The following KCNH7 variants were observed in gnomAD, a reference collection of about 807,000 sequenced individuals.
KCNH7 encodes voltage-gated inwardly rectifying potassium channel KCNH7.
Under a neutral mutation model 120.8 loss-of-function variants are expected in KCNH7, and 49 were observed. That is an observed-to-expected ratio of 0.41 (90% CI 0.32 to 0.51). The LOEUF (loss-of-function observed/expected upper bound fraction) is 0.51, where lower values mean the gene tolerates loss of function less well. Ranked by LOEUF, KCNH7 falls within the 20% of genes least tolerant of loss-of-function variation. The pLI, the probability that KCNH7 is intolerant of heterozygous loss-of-function variation, is 0.38. For synonymous variants in KCNH7, 547 were observed against 516.1 expected (o/e 1.06, Z -0.81); for missense variants, 1,097 against 1,446.6 (o/e 0.76, Z 3.92).
intron 6 of KCNH7, among the ~76,000 whole-genome samples, chr2:162,489,737 C>A (rs879724961): frequency 1.3e-5 from 2 of 152,020 alleles, no homozygotes; most frequent in African/African-American, 4.8e-5. Context: ...TTTCAATTTG[C>A]GTATTTAAAT....
intron 5 of KCNH7, among the ~76,000 whole-genome samples, chr2:162,507,101 T>C (rs1690906780): frequency 6.6e-6 from 1 of 151,778 alleles, no homozygotes; most frequent in Non-Finnish European, 1.5e-5. Flanking sequence ...AGAATATATA[T>C]TGTTTTATTC....
intron 2 of KCNH7, among the ~76,000 whole-genome samples, chr2:162,590,479 C>T (rs546996504): frequency 1.3e-5 from 2 of 152,080 alleles, no homozygotes; most frequent in Non-Finnish European, 2.9e-5. Context: ...TGGATCATAC[C>T]TAACTTGACC....
chr2:162,794,780 T>C (rs1684078983), intron 2 of KCNH7, among the ~76,000 whole-genome samples: 2 of 151,974 alleles, frequency 1.3e-5, no homozygotes, highest in South Asian at 4.1e-4. Context: ...CGACAATGCC[T>C]TCCAAAAAAG....
At chr2:162,416,488 A>G (rs1687545444) in intron 9 of KCNH7, among the ~76,000 whole-genome samples, 1 of 152,156 alleles carries the variant, frequency 6.6e-6, no homozygotes, top group Non-Finnish European at 1.5e-5. Context: ...ACACCTTGCA[A>G]TTCACCACAC....
chr2:162,812,684 A>T (rs768184495), intron 2 of KCNH7, among the ~76,000 whole-genome samples: 2 of 152,138 alleles, frequency 1.3e-5, no homozygotes, highest in Non-Finnish European at 2.9e-5. Context: ...CTTCACTATG[A>T]GTGAAGAAAC....
At chr2:162,488,918 C>T (rs73020656) in intron 6 of KCNH7, among the ~76,000 whole-genome samples, 71 of 152,252 alleles carry the variant, frequency 4.7e-4, no homozygotes, top group African/African-American at 1.5e-3. Flanking sequence ...CTTCAAGCTA[C>T]GGTGCTTAGT....
chr2:162,520,992 G>A (rs1227738603), intron 3 of KCNH7, among the ~76,000 whole-genome samples: 1 of 151,730 alleles, frequency 6.6e-6, no homozygotes, highest in Non-Finnish European at 1.5e-5. Flanking sequence ...CTTTCTGTTT[G>A]ATCCTTTTTA....
At chr2:162,684,960 A>G (rs574151095) in intron 2 of KCNH7, among the ~76,000 whole-genome samples, 56 of 152,308 alleles carry the variant, frequency 3.7e-4, no homozygotes, top group Admixed American at 3.4e-3. Context: ...AACGCCCATC[A>G]GTGATAGACT....
intron 6 of KCNH7, among the ~76,000 whole-genome samples, chr2:162,456,779 A>G (rs1165901521): frequency 6.6e-6 from 1 of 151,698 alleles, no homozygotes. Flanking sequence ...GTCTTTTCTG[A>G]TCTTTGTTGG....
At chr2:162,497,289 T>C (rs1363034893) in intron 6 of KCNH7, among the ~76,000 whole-genome samples, 1 of 152,166 alleles carries the variant, frequency 6.6e-6, no homozygotes. Context: ...TTTCAGTTCT[T>C]CTTTAAGTCA....
At chr2:162,452,235 A>G (rs1390366480) in intron 6 of KCNH7, among the ~76,000 whole-genome samples, 1 of 152,046 alleles carries the variant, frequency 6.6e-6, no homozygotes, top group African/African-American at 2.4e-5. Flanking sequence ...GATAGTTACT[A>G]TTTATTTATA....
intron 1 of KCNH7, 44 bp downstream of exon 1, chr2:162,838,399 C>T (rs747498157): frequency 1.3e-5 from 20 of 1,533,778 alleles, no homozygotes; most frequent in Admixed American, 1.7e-5. Context: ...AGTGCACTAA[C>T]AAGGCAGAAA....
In KCNH7 at chr2:162,512,652, A is replaced by G. The variant is rs773754679; in HGVS notation, c.913+2T>C. 6.2e-7 allele frequency: 1 copy of G among 1,609,082 alleles called. No homozygotes were observed. The highest frequency in any genetic ancestry group is 8.5e-7 in the Non-Finnish European group (1 of 1,176,924). On this transcript the variant is annotated splice_donor_variant, in intron 5 of 15. Coordinates refer to ENST00000332142, the MANE Select transcript of KCNH7 (RefSeq NM_033272.4). LOFTEE classifies it high-confidence loss of function. ...ATGGTGAAATTTGAGTTTGTACATT[A>G]CCTTTGACATTGCGACCATTGTCTG...
chr2:162,434,440 T>C (rs987599072), intron 8 of KCNH7, among the ~76,000 whole-genome samples: 1 of 152,140 alleles, frequency 6.6e-6, no homozygotes, highest in Non-Finnish European at 1.5e-5. Flanking sequence ...AAATCCATCA[T>C]GCTTTTATGC....
chr2:162,448,347 C>T (rs1688655160), intron 6 of KCNH7, among the ~76,000 whole-genome samples: 1 of 152,062 alleles, frequency 6.6e-6, no homozygotes, highest in African/African-American at 2.4e-5. Context: ...GCAAAATACA[C>T]AGCTTTATTT....
intron 2 of KCNH7, among the ~76,000 whole-genome samples, chr2:162,719,640 TA>T (rs1474303046): frequency 6.6e-6 from 1 of 152,068 alleles, no homozygotes; most frequent in Non-Finnish European, 1.5e-5. Context: ...GTGAAAACCC[TA>T]ATTTTTGCAA....
intron 2 of KCNH7, among the ~76,000 whole-genome samples, chr2:162,633,748 C>A (rs958901944): frequency 1.3e-5 from 2 of 151,856 alleles, no homozygotes; most frequent in Admixed American, 6.6e-5. Flanking sequence ...TATTCTCGTA[C>A]CTACATTACA....
chr2:162,827,017 G>A (rs778163015), intron 2 of KCNH7, among the ~76,000 whole-genome samples: 1 of 152,046 alleles, frequency 6.6e-6, no homozygotes, highest in South Asian at 2.1e-4. Context: ...TCAGGAAGAA[G>A]AAACCCAGTG....
At chr2:162,594,598 C>T (rs73026679) in intron 2 of KCNH7, among the ~76,000 whole-genome samples, 2,006 of 152,010 alleles carry the variant, frequency 0.013, 54 homozygotes, top group African/African-American at 0.046. Context: ...GGTTCCACAT[C>T]CATAGATTAA....
Sources: allele counts gnomAD v4.1 joint callset (sites outside exome capture counted in the v4.1 genomes callset), GRCh38; gene constraint gnomAD v4.1.1; transcripts MANE v1.5; gene names NCBI Gene and HGNC (gene_info 2026-07-23, HGNC 2026-07-21).